Variants in PPP1R2 observed in about 807,000 individuals in gnomAD.
The protein encoded by PPP1R2 is protein phosphatase inhibitor 2.
In PPP1R2, 16 loss-of-function variants were observed where a neutral mutation model predicts 29.9. The ratio of observed to expected loss-of-function variants is 0.53; its 90% CI spans 0.36 to 0.81. PPP1R2 has a LOEUF of 0.81. Ranked by LOEUF, PPP1R2 falls within the 30% of genes least tolerant of loss-of-function variation. PPP1R2 has a pLI of 0.00. For missense variants in PPP1R2, 197 were observed against 252.7 expected, an observed-to-expected ratio of 0.78 and a Z score of 1.49; for synonymous variants, 76 against 91.5, an observed-to-expected ratio of 0.83 and a Z score of 0.96.
chr3:195,536,920 T>C (rs1226632625), intron 1 of PPP1R2, among the ~76,000 whole-genome samples: 1 of 151,728 alleles, frequency 6.6e-6, no homozygotes, highest in Non-Finnish European at 1.5e-5. Flanking sequence ...CCACATCCTG[T>C]AAATATTTTT....
At position 195,542,556 on chromosome 3, in the gene PPP1R2, G is replaced by A. The variant is rs150312436; in HGVS notation, c.122+348C>T. 2.5e-3 allele frequency among the ~76,000 whole-genome samples: 382 copies of A among 152,240 alleles called. 3 individuals carry two copies. Among genetic ancestry groups the A allele is most frequent in the African/African-American group, 8.9e-3 (370 of 41,536 alleles). ...AGCAAGAAAATACACTGTAATTATC[G>A]AAGAATTTTAGATACCTCAGAGATG... On this transcript the variant is annotated intron_variant, in intron 1 of 5. Coordinates refer to ENST00000618156, the MANE Select transcript of PPP1R2 (RefSeq NM_006241.8).
intron 4 of PPP1R2, among the ~76,000 whole-genome samples, chr3:195,520,105 GT>G (rs1011383438): frequency 6.1e-4 from 93 of 152,146 alleles, no homozygotes; most frequent in African/African-American, 2.0e-3. Flanking sequence ...AGCCTCCTAG[GT>G]TTAAGCGATT....
At position 195,515,261 on chromosome 3, in the gene PPP1R2, T is replaced by C. The variant is rs976287214; in HGVS notation, c.*1635A>G. 5.2e-5 allele frequency: 8 copies of C among 154,152 alleles called. No individual in the cohort carries two copies. Among genetic ancestry groups the C allele is most frequent in the African/African-American group, 1.9e-4 (8 of 41,454 alleles). 9.5% of individuals were successfully genotyped at this position (154,152 alleles called of 1,614,324 possible). On this transcript the variant is annotated 3_prime_UTR_variant, in exon 6 of 6. Transcript: ENST00000618156. ...CACTCACAGTTCAGCAGTACTTTGATTATATATCTCATTCAAAAAATCAAA... is the reference window on the plus strand; with the variant it reads ...CACTCACAGTTCAGCAGTACTTTGACTATATATCTCATTCAAAAAATCAAA...
chr3:195,526,569 A>G (rs762313338), intron 2 of PPP1R2, among the ~76,000 whole-genome samples: 2 of 152,206 alleles, frequency 1.3e-5, no homozygotes, highest in Non-Finnish European at 2.9e-5. Flanking sequence ...CATTCAAATT[A>G]TATTTATAAA....
chr3:195,519,104 G>C lies in PPP1R2; in HGVS notation c.485C>G (p.Ser162Ter). Residue 162 changes from serine (S) to a stop codon, truncating the protein, a stop_gained, in exon 5 of 6, where the codon TCA becomes TGA. Transcript: ENST00000618156. LOFTEE classifies it high-confidence loss of function. ...LNIKLARQLISKDLHDDDEDE... is the reference protein window; with the variant it reads ...LNIKLARQLI ...TTCATCATCATCATGTAGGTCTTTT[G>C]AAATTAATTGTCTGGCTAGTTTGAT... 6.2e-7 allele frequency: 1 copy of C among 1,612,380 alleles called. No individual in the cohort carries two copies. The highest frequency in any genetic ancestry group is 1.1e-5 in the South Asian group (1 of 90,866).
intron 4 of PPP1R2, among the ~76,000 whole-genome samples, chr3:195,521,760 T>G (rs1718771864): frequency 6.6e-6 from 1 of 151,974 alleles, no homozygotes; most frequent in Non-Finnish European, 1.5e-5. Flanking sequence ...AAGCAATTCT[T>G]GTGCCCCAGC....
At chr3:195,534,952 T>C (rs779278464) in intron 1 of PPP1R2, among the ~76,000 whole-genome samples, 2 of 152,080 alleles carry the variant, frequency 1.3e-5, no homozygotes, top group Non-Finnish European at 2.9e-5. Flanking sequence ...GGTGTCAAGG[T>C]GGTTTACTCG....
chr3:195,524,481 C>T (rs1718886848), intron 3 of PPP1R2, among the ~76,000 whole-genome samples: 1 of 152,184 alleles, frequency 6.6e-6, no homozygotes. Flanking sequence ...GTTGAGATCA[C>T]ACCACTGCAC....
intron 1 of PPP1R2, among the ~76,000 whole-genome samples, chr3:195,531,773 C>T (rs1030530271): frequency 8.5e-5 from 13 of 152,178 alleles, no homozygotes; most frequent in African/African-American, 3.1e-4. Context: ...AAGAACATCA[C>T]ATCATTGTGC....
chr3:195,543,083 G>C lies in PPP1R2; in HGVS notation c.-58C>G. The C allele has an allele frequency of 1.9e-6, 3 of 1,559,390 alleles. No homozygotes were observed. The South Asian group carries it at 3.6e-5, about 18-fold the overall frequency. On this transcript the variant is annotated 5_prime_UTR_variant, in exon 1 of 6. Transcript: ENST00000618156. ...CTGCTTGGCGTGGGGTCCGCGAAGA[G>C]AAGGGTCGGCACAGCAGAGACTCGC...
chr3:195,528,224 T>C (rs1330112675), intron 2 of PPP1R2, among the ~76,000 whole-genome samples: 1 of 152,176 alleles, frequency 6.6e-6, no homozygotes, highest in South Asian at 2.1e-4. Context: ...AGTGAGAACA[T>C]ACAAGGTCTG....
intron 2 of PPP1R2, chr3:195,527,879 T>TC: frequency 2.6e-6 from 1 of 379,180 alleles, no homozygotes; most frequent in Non-Finnish European, 5.0e-6. Flanking sequence ...CTTTTTTTTT[T>TC]TTTAAGATTT....
chr3:195,537,794 T>A (rs1719451867), intron 1 of PPP1R2, among the ~76,000 whole-genome samples: 1 of 151,634 alleles, frequency 6.6e-6, no homozygotes, highest in South Asian at 2.1e-4. Context: ...GAAAAAAAAA[T>A]TAGTACAATT....
At chr3:195,524,503 T>C (rs1718887612) in intron 3 of PPP1R2, among the ~76,000 whole-genome samples, 1 of 152,176 alleles carries the variant, frequency 6.6e-6, no homozygotes, top group Non-Finnish European at 1.5e-5. Context: ...CCACCCTGAA[T>C]GACAGAGCGA....
chr3:195,530,949 A>C (rs1719157652), intron 1 of PPP1R2, among the ~76,000 whole-genome samples: 1 of 151,796 alleles, frequency 6.6e-6, no homozygotes, highest in African/African-American at 2.4e-5. Flanking sequence ...CAGCCTCCTG[A>C]GTAGCTGGGA....
At chr3:195,521,171 T>C (rs550424530) in intron 4 of PPP1R2, among the ~76,000 whole-genome samples, 53 of 151,700 alleles carry the variant, frequency 3.5e-4, no homozygotes, top group African/African-American at 1.2e-3. Context: ...AAAAATTTGC[T>C]GGGCGTGGTG....
chr3:195,521,282 T>A (rs1577565251), intron 4 of PPP1R2, among the ~76,000 whole-genome samples: 2 of 113,216 alleles, frequency 1.8e-5, no homozygotes, highest in African/African-American at 7.0e-5. Flanking sequence ...GCCACTGCAC[T>A]CCAGCCTGGG....
chr3:195,519,177 G>A lies in PPP1R2; in HGVS notation c.412C>T (p.Arg138Ter). 1 of 1,596,690 alleles carries A rather than the reference G, an allele frequency of 6.3e-7. No individual in the cohort carries two copies. The highest frequency in any genetic ancestry group is 8.5e-7 in the Non-Finnish European group (1 of 1,175,044). ...AGCTTCCTTTTCATTTCAAATTGTC[G>A]CTTTTTTTCTATAAGATGCAAAATG... is the stretch of plus-strand genomic sequence containing the variant. ...DLSPEEREKK[R>*]QFEMKRKLHY... The change falls in exon 5 of 6, where the codon CGA becomes TGA. Residue 138 changes from arginine to a stop codon, truncating the protein, a stop_gained. Coordinates refer to ENST00000618156, the MANE Select transcript of PPP1R2 (RefSeq NM_006241.8). LOFTEE classifies it high-confidence loss of function.
intron 1 of PPP1R2, among the ~76,000 whole-genome samples, chr3:195,542,195 C>A (rs573792405): frequency 6.6e-6 from 1 of 152,236 alleles, no homozygotes; most frequent in South Asian, 2.1e-4. Flanking sequence ...TACAAACGTA[C>A]CGTAATTAAT....
Sources: allele counts gnomAD v4.1 joint callset (sites outside exome capture counted in the v4.1 genomes callset), GRCh38; gene constraint gnomAD v4.1.1; transcripts MANE v1.5; gene names NCBI Gene and HGNC (gene_info 2026-07-23, HGNC 2026-07-21).